The following SLC23A3 variants were observed in gnomAD, a reference collection of about 807,000 sequenced individuals.
SLC23A3 encodes solute carrier family 23 member 3.
SLC23A3 carries 41 observed loss-of-function variants against 64.7 expected under a neutral mutation model. That is an observed-to-expected ratio of 0.63 (90% CI 0.49 to 0.82). SLC23A3 has a LOEUF of 0.82. SLC23A3 is among the 40% of genes least tolerant of loss of function. The probability of loss-of-function intolerance (pLI) is 0.00; values close to 1 mark genes in which losing one functional copy is unlikely to be tolerated. For missense variants in SLC23A3, 647 were observed against 733.4 expected (o/e 0.88, Z 1.36); for synonymous variants, 281 against 306.8 (o/e 0.92, Z 0.88).
At chr2:219,164,095 TATCCATCCATCC>T (rs763734349) in intron 9 of SLC23A3, 126 bp downstream of exon 9, 31 of 642,164 alleles carry the variant, frequency 4.8e-5, no homozygotes, top group Non-Finnish European at 8.4e-5. Context: ...CACATGCTCA[TATCCATCCATCC>T]ATCCATCCAT....
intron 10 of SLC23A3, among the ~76,000 whole-genome samples, chr2:219,162,711 C>G (rs139759693): frequency 6.6e-6 from 1 of 152,278 alleles, no homozygotes; most frequent in African/African-American, 2.4e-5. Flanking sequence ...ACCCTCTATG[C>G]TCTATCCTGG....
chr2:219,168,613 C>G (rs374152624), intron 5 of SLC23A3, 39 bp downstream of exon 5: 102 of 1,597,692 alleles, frequency 6.4e-5, no homozygotes, highest in Non-Finnish European at 8.5e-5. Flanking sequence ...CCATACACCC[C>G]CACTGGGCAC....
At position 219,165,374 on chromosome 2, in the gene SLC23A3, A is replaced by C. The variant is rs1482023755; in HGVS notation, c.962T>G (p.Ile321Ser). The change falls in exon 8 of 12, where the codon ATC becomes AGC. Residue 321 changes from isoleucine (I) to serine (S), a missense_variant. Transcript: ENST00000409878. ...LLTPRALAAG[I>S]SMALAASTSS... The stretch of plus-strand genomic sequence containing the variant: ...GGTGGAGGCTGCCAAGGCCATGGAG[A>C]TGCCTGCAGCCAGAGCTCTGGGCGT... 5 of 1,551,204 alleles carry C rather than the reference A, an allele frequency of 3.2e-6. No individual in the cohort carries two copies. The highest frequency in any genetic ancestry group is 4.4e-6 in the Non-Finnish European group (5 of 1,146,848).
chr2:219,164,443 AC>A (rs1333959299), intron 8 of SLC23A3, 105 bp from the exon 9 acceptor site: 2 of 748,362 alleles, frequency 2.7e-6, no homozygotes, highest in East Asian at 5.6e-5. Context: ...CTCAAATGTT[AC>A]TCTTCCAAGA....
intron 10 of SLC23A3, among the ~76,000 whole-genome samples, chr2:219,162,968 G>A (rs1410027860): frequency 6.6e-6 from 1 of 152,150 alleles, no homozygotes; most frequent in Admixed American, 6.5e-5. Context: ...GCAATTTACT[G>A]CTCTCAGGAC....
At position 219,164,280 on chromosome 2, in the gene SLC23A3, G is replaced by GA; in HGVS notation, c.1225dup (p.Ser409PhefsTer39). ...GGTGAGGAGCTGAGCCAACCTGGGG[G>GA]AGAGTCCAAGCCCCACGCAGAGTAG... On this transcript the variant is annotated frameshift_variant, in exon 9 of 12. Transcript: ENST00000409878. LOFTEE classifies it high-confidence loss of function. 2 of 1,610,320 alleles carry GA rather than the reference G, an allele frequency of 1.2e-6. No individual in the cohort carries two copies. The highest frequency in any genetic ancestry group is 1.7e-6 in the Non-Finnish European group (2 of 1,178,436).
At chr2:219,162,511 G>T in intron 10 of SLC23A3, 117 bp from the exon 11 acceptor site, 1 of 725,574 alleles carries the variant, frequency 1.4e-6, no homozygotes, top group Non-Finnish European at 2.3e-6. Flanking sequence ...TTTCTGAATT[G>T]TCATTTCATC....
chr2:219,167,962 G>A lies in SLC23A3; in HGVS notation c.881C>T (p.Thr294Ile), dbSNP rs778114149. 9 of 1,584,806 alleles carry A rather than the reference G, an allele frequency of 5.7e-6. No homozygotes were observed. In the East Asian group the frequency reaches 2.0e-4, roughly 36 times the overall value. ...SVIPQELSAP[T>I]KAPWIWLPHP... ...AGGCAGCCAAATCCATGGTGCCTTGGTGGGGGCAGACAGTTCCTGGGGGAT... is the reference window on the plus strand; with the variant it reads ...AGGCAGCCAAATCCATGGTGCCTTGATGGGGGCAGACAGTTCCTGGGGGAT... The change falls in exon 7 of 12, where the codon ACC becomes ATC. Residue 294 changes from threonine to isoleucine, a missense_variant. Transcript: ENST00000409878.
chr2:219,162,451 G>A (rs932391056), intron 10 of SLC23A3, 57 bp from the exon 11 acceptor site: 4 of 1,331,498 alleles, frequency 3.0e-6, no homozygotes, highest in Non-Finnish European at 3.2e-6. Flanking sequence ...CCAAGCCCAG[G>A]AGTCTTACCC....
Position 219,169,673 on chromosome 2 carries a change from G to C in SLC23A3, c.168C>G (p.Val56=), listed in dbSNP as rs985228402. The stretch of plus-strand genomic sequence containing the variant: ...CACAGAGCAGAGAAGCCATGACCAA[G>C]ACATGCTGCAGGTGGAGGAATGGGG... The part of the protein sequence containing the change: ...GLSCLLALQH[V]LVMASLLCVS... The change falls in exon 2 of 12, where the codon GTC becomes GTG. Residue 56 remains valine, a synonymous_variant. Transcript: ENST00000409878. The surrounding 1 kb of genome is among the most constrained non-coding windows in gnomAD (Gnocchi z 4.5). The C allele has an allele frequency of 6.8e-6, 11 of 1,614,072 alleles. No individual in the cohort carries two copies. The South Asian group carries it at 1.2e-4, about 18-fold the overall frequency.
chr2:219,169,870 A>G lies in SLC23A3; in HGVS notation c.115T>C (p.Leu39=). The change falls in exon 1 of 12, where the codon TTG becomes CTG. Residue 39 remains leucine (L), a synonymous_variant. Transcript: ENST00000409878. This position sits in a 1 kb window ranked among gnomAD's most constrained non-coding sequence, Gnocchi z 4.5. Reference sequence around the variant, plus strand: ...AGGCCCCAAGGCAGAGATCCACACAAAGGGTCCCAAGAGTGGGTGGAGGGA... The same window carrying G: ...AGGCCCCAAGGCAGAGATCCACACAGAGGGTCCCAAGAGTGGGTGGAGGGA... The part of the protein sequence containing the change: ...QNPSTHSWDP[L]CGSLPWGLSC... 1 of 1,613,606 alleles carries G rather than the reference A, an allele frequency of 6.2e-7. No homozygotes were observed. Among genetic ancestry groups the G allele is most frequent in the Non-Finnish European group, 8.5e-7 (1 of 1,179,806 alleles).
rs1299413948 is a variant in SLC23A3, at chr2:219,165,209, G to A, written c.1127C>T (p.Ala376Val). Residue 376 changes from alanine (A) to valine (V), a missense_variant, in exon 8 of 12, where the codon GCA (alanine) becomes GTA (valine). Physicochemically the swap from Ala to Val is moderately conservative, Grantham distance 64. Transcript: ENST00000409878. Reference sequence around the variant, plus strand: ...TTTGCCCACGTTGGGGAAGCTGGATGCAGTGCCCATGGGGCTTCCCAGCAG... The same window carrying A: ...TTTGCCCACGTTGGGGAAGCTGGATACAGTGCCCATGGGGCTTCCCAGCAG... ...AGLLGSPMGT[A>V]SSFPNVGKVG... 2.6e-6 allele frequency: 4 copies of A among 1,551,748 alleles called. No individual in the cohort carries two copies. The highest frequency in any genetic ancestry group is 3.5e-6 in the Non-Finnish European group (4 of 1,147,082).
In SLC23A3 at chr2:219,167,980, T is replaced by C; in HGVS notation, c.863A>G (p.Gln288Arg). Residue 288 changes from glutamine (Q) to arginine (R), a missense_variant, in exon 7 of 12, where the codon CAG becomes CGG. Coordinates refer to ENST00000409878, the MANE Select transcript of SLC23A3 (RefSeq NM_001144889.2). ...SAFVGFSVIP[Q>R]ELSAPTKAPW... Reference sequence around the variant, plus strand: ...TGCCTTGGTGGGGGCAGACAGTTCCTGGGGGATAACACTGAATCCCACAAA... The same window carrying C: ...TGCCTTGGTGGGGGCAGACAGTTCCCGGGGGATAACACTGAATCCCACAAA... 1.9e-6 allele frequency: 3 copies of C among 1,590,140 alleles called. No individual in the cohort carries two copies. The highest frequency in any genetic ancestry group is 1.2e-5 in the South Asian group (1 of 86,626).
chr2:219,168,610 C>A (rs773676001), intron 5 of SLC23A3, 42 bp downstream of exon 5: 5 of 1,591,656 alleles, frequency 3.1e-6, no homozygotes, highest in African/African-American at 2.7e-5. Flanking sequence ...CCCCCATACA[C>A]CCCCACTGGG....
chr2:219,166,943 T>C (rs990440676), intron 7 of SLC23A3, among the ~76,000 whole-genome samples: 3 of 152,214 alleles, frequency 2.0e-5, no homozygotes, highest in Non-Finnish European at 2.9e-5. Flanking sequence ...TATTCCCCAA[T>C]AGACTGTAAG....
chr2:219,169,196 T>G lies in SLC23A3; in HGVS notation c.419-94A>C, dbSNP rs1277956290. The G allele has an allele frequency of 6.2e-7, 1 of 1,607,416 alleles. No homozygotes were observed. Among genetic ancestry groups the G allele is most frequent in the South Asian group, 1.1e-5 (1 of 90,824 alleles). On this transcript the variant is annotated intron_variant, in intron 3 of 11. Coordinates refer to ENST00000409878, the MANE Select transcript of SLC23A3 (RefSeq NM_001144889.2). This position sits in a 1 kb window ranked among gnomAD's most constrained non-coding sequence, Gnocchi z 4.5. ...ACTCCTGGCACAGGTCCAAGCCCCC[T>G]ATAGTGTCACAGTCTCACCACTGCC...
Position 219,169,422 on chromosome 2 carries a change from C to T in SLC23A3, c.321-16G>A. ...AAGAGGCAGCCTGTAGGAACAGCAG[C>T]CCCAGCAGGTCTGGGACTATGTGGC... On this transcript the variant is annotated splice_polypyrimidine_tract_variant and intron_variant, in intron 2 of 11. Coordinates refer to ENST00000409878, the MANE Select transcript of SLC23A3 (RefSeq NM_001144889.2). The surrounding 1 kb of genome is among the most constrained non-coding windows in gnomAD (Gnocchi z 4.5). 1 of 1,614,118 alleles carries T rather than the reference C, an allele frequency of 6.2e-7. No individual in the cohort carries two copies. The highest frequency in any genetic ancestry group is 8.5e-7 in the Non-Finnish European group (1 of 1,180,000).
Position 219,169,410 on chromosome 2 carries a change from T to C in SLC23A3, c.321-4A>G, listed in dbSNP as rs1397869386. Reference sequence around the variant, plus strand: ...TGGAGCCTGGACAAGAGGCAGCCTGTAGGAACAGCAGCCCCAGCAGGTCTG... The same window carrying C: ...TGGAGCCTGGACAAGAGGCAGCCTGCAGGAACAGCAGCCCCAGCAGGTCTG... On this transcript the variant is annotated splice_region_variant and splice_polypyrimidine_tract_variant and intron_variant, in intron 2 of 11. Transcript: ENST00000409878. The surrounding 1 kb of genome is among the most constrained non-coding windows in gnomAD (Gnocchi z 4.5). The C allele has an allele frequency of 2.5e-6, 4 of 1,614,120 alleles. No individual in the cohort carries two copies. The highest frequency in any genetic ancestry group is 2.2e-5 in the East Asian group (1 of 44,864).
rs1574759150 is a variant in SLC23A3 at position 219,165,480 on chromosome 2, C to T, written c.914-58G>A. 4.6e-6 allele frequency: 7 copies of T among 1,508,064 alleles called. No individual in the cohort carries two copies. In the East Asian group the frequency reaches 1.2e-4, roughly 27 times the overall value. 93.4% of individuals were successfully genotyped at this position (1,508,064 alleles called of 1,614,324 possible). A position where few individuals can be genotyped will look rare whatever the true frequency, so the allele number is the denominator to read the frequency against. ...GACTCAAGTCAGGAGTACCCCCTGC[C>T]TCCAACAGCCTGTGCCACAAGAATC... On this transcript the variant is annotated intron_variant, in intron 7 of 11. Transcript: ENST00000409878.
Sources: gnomAD v4.1 joint callset for allele counts (sites outside exome capture counted in the v4.1 genomes callset) on GRCh38, gnomAD v4.1.1 for gene constraint, Gnocchi (gnomAD v3.1) non-coding constraint, MANE v1.5 for transcripts, NCBI Gene and HGNC (gene_info 2026-07-23, HGNC 2026-07-21) for gene names.